Variants in TAFA2 observed in about 807,000 individuals in gnomAD.
TAFA2 encodes the protein TAFA chemokine like family member 2.
In TAFA2, 7 loss-of-function variants were observed where a neutral mutation model predicts 18.8. The ratio of observed to expected loss-of-function variants is 0.37; its 90% confidence interval spans 0.21 to 0.70. The LOEUF (loss-of-function observed/expected upper bound fraction) is 0.70. Among genes scored for constraint, TAFA2 ranks in the 30% least tolerant of loss-of-function variants. TAFA2 has a pLI of 0.53. For missense variants in TAFA2, 122 were observed against 158.1 expected (o/e 0.77, Z 1.23); for synonymous variants, 60 against 54.2 (o/e 1.11, Z -0.47).
intron 1 of TAFA2, among the ~76,000 whole-genome samples, chr12:61,871,515 A>C (rs550939928): frequency 3.3e-5 from 5 of 152,316 alleles, no homozygotes; most frequent in Non-Finnish European, 5.9e-5. Context: ...AAAACAGTGA[A>C]AAGAAACTGG....
At chr12:61,984,262 G>A (rs1334061192) in intron 1 of TAFA2, among the ~76,000 whole-genome samples, 1 of 152,226 alleles carries the variant, frequency 6.6e-6, no homozygotes, top group Non-Finnish European at 1.5e-5. Context: ...GATTGTGATA[G>A]ATGCTGAAGA....
At chr12:62,058,667 A>G (rs908201127) in intron 1 of TAFA2, among the ~76,000 whole-genome samples, 21 of 152,060 alleles carry the variant, frequency 1.4e-4, no homozygotes, top group African/African-American at 4.8e-4. Flanking sequence ...TTCATTCAAG[A>G]AGTAATTGTT....
intron 1 of TAFA2, among the ~76,000 whole-genome samples, chr12:62,118,294 T>C (rs1215681327): frequency 1.3e-5 from 2 of 152,170 alleles, no homozygotes; most frequent in Non-Finnish European, 2.9e-5. Context: ...TTTATTCATA[T>C]TTGTAAATGC....
At chr12:61,987,767 T>A (rs1273796090) in intron 1 of TAFA2, among the ~76,000 whole-genome samples, 1 of 152,200 alleles carries the variant, frequency 6.6e-6, no homozygotes, top group East Asian at 1.9e-4. Flanking sequence ...AAGGTCTCTT[T>A]TGTGGAAGGA....
At position 61,955,346 on chromosome 12, in the gene TAFA2, G is replaced by A. The variant is rs145184690; in HGVS notation, c.-1-87920C>T. ...AGGCCGAGCATGGTGGCTCACGCCT[G>A]TAATCCCAGCACTTTGGGAGGCTGA... On this transcript the variant is annotated intron_variant, in intron 1 of 4. Coordinates refer to ENST00000416284, the MANE Select transcript of TAFA2 (RefSeq NM_178539.5). Among the ~76,000 whole-genome samples the A allele has an allele frequency of 8.0e-3, 1,217 of 151,732 alleles. 15 individuals carry two copies. Among genetic ancestry groups the A allele is most frequent in the African/African-American group, 0.028 (1,174 of 41,380 alleles).
chr12:61,849,840 T>C (rs1565655597), intron 2 of TAFA2, among the ~76,000 whole-genome samples: 1 of 152,180 alleles, frequency 6.6e-6, no homozygotes, highest in Non-Finnish European at 1.5e-5. Flanking sequence ...AACTTTTCCC[T>C]CAAATATTTT....
chr12:61,838,712 C>T (rs530822881), intron 2 of TAFA2, among the ~76,000 whole-genome samples: 3 of 152,026 alleles, frequency 2.0e-5, no homozygotes, highest in East Asian at 1.9e-4. Context: ...ATTAAAAGTT[C>T]GACAAATATT....
intron 1 of TAFA2, among the ~76,000 whole-genome samples, chr12:62,002,852 ATCTT>A (rs113280394): frequency 1.3e-4 from 20 of 152,200 alleles, no homozygotes; most frequent in African/African-American, 4.6e-4. Flanking sequence ...CCTGGGTTGC[ATCTT>A]TCTATCTTTC....
At chr12:62,124,849 C>G (rs972894206) in intron 1 of TAFA2, among the ~76,000 whole-genome samples, 11 of 152,182 alleles carry the variant, frequency 7.2e-5, no homozygotes, top group Middle Eastern at 6.8e-3. Context: ...TGTAGCCAGC[C>G]CATATCCTTT....
At chr12:61,941,500 G>A (rs1192416752) in intron 1 of TAFA2, among the ~76,000 whole-genome samples, 2 of 152,206 alleles carry the variant, frequency 1.3e-5, no homozygotes, top group African/African-American at 2.4e-5. Context: ...CAGCTTGAGC[G>A]AAGCAGAAGA....
chr12:61,926,063 C>T (rs960517063), intron 1 of TAFA2, among the ~76,000 whole-genome samples: 2 of 152,108 alleles, frequency 1.3e-5, no homozygotes, highest in African/African-American at 4.8e-5. Flanking sequence ...TCAGAGAATA[C>T]TATAAACAAC....
At chr12:62,144,579 C>G (rs2062267811) in intron 1 of TAFA2, among the ~76,000 whole-genome samples, 1 of 152,186 alleles carries the variant, frequency 6.6e-6, no homozygotes, top group Non-Finnish European at 1.5e-5. Context: ...AGCCACAGAG[C>G]AACTCTACTG....
chr12:62,153,954 A>G (rs1217754407), intron 1 of TAFA2, among the ~76,000 whole-genome samples: 3 of 151,648 alleles, frequency 2.0e-5, no homozygotes, highest in South Asian at 4.2e-4. Flanking sequence ...ATGTTATGTT[A>G]TGTTATGTTA....
At chr12:62,159,755 A>C (rs1273674951) in intron 1 of TAFA2, among the ~76,000 whole-genome samples, 1 of 152,176 alleles carries the variant, frequency 6.6e-6, no homozygotes, top group Non-Finnish European at 1.5e-5. Context: ...AATATGGTAC[A>C]GTGTATACTG....
chr12:62,166,878 A>G (rs2062443858), intron 1 of TAFA2, among the ~76,000 whole-genome samples: 1 of 152,198 alleles, frequency 6.6e-6, no homozygotes, highest in South Asian at 2.1e-4. Context: ...ACGCCAGTGA[A>G]ATAAAACCTT....
At chr12:61,974,903 C>A (rs2136669297) in intron 1 of TAFA2, among the ~76,000 whole-genome samples, 1 of 151,878 alleles carries the variant, frequency 6.6e-6, no homozygotes, top group East Asian at 1.9e-4. Context: ...GCTAGGCATG[C>A]CCTGCCAATT....
At position 62,080,403 on chromosome 12, in the gene TAFA2, A is replaced by G. The variant is rs375798721; in HGVS notation, c.-2+110856T>C. 1.2e-4 allele frequency among the ~76,000 whole-genome samples: 19 copies of G among 152,242 alleles called. No individual in the cohort carries two copies. The East Asian group carries it at 3.3e-3, about 26-fold the overall frequency. On this transcript the variant is annotated intron_variant, in intron 1 of 4. Transcript: ENST00000416284. Reference sequence around the variant, plus strand: ...TTATACAAGTATGTACAGGGGGTGAAAATCTTGGGGGTTGTCTTAAAATTC... The same window carrying G: ...TTATACAAGTATGTACAGGGGGTGAGAATCTTGGGGGTTGTCTTAAAATTC...
At chr12:61,991,074 G>A (rs1402897014) in intron 1 of TAFA2, among the ~76,000 whole-genome samples, 1 of 152,150 alleles carries the variant, frequency 6.6e-6, no homozygotes, top group African/African-American at 2.4e-5. Flanking sequence ...ATAGAAAAAG[G>A]TACTTTATGC....
intron 1 of TAFA2, among the ~76,000 whole-genome samples, chr12:62,129,517 G>A (rs1663473): frequency 0.48 from 72,687 of 151,866 alleles, 17,746 homozygotes; most frequent in African/African-American, 0.52. Flanking sequence ...TCACCGATAC[G>A]GTGGTAATGA....
Sources: gnomAD v4.1 joint callset for allele counts (sites outside exome capture counted in the v4.1 genomes callset) on GRCh38, gnomAD v4.1.1 for gene constraint, MANE v1.5 for transcripts, NCBI Gene and HGNC (gene_info 2026-07-23, HGNC 2026-07-21) for gene names.